Variants in SYT1 observed in about 807,000 individuals in gnomAD.
SYT1 encodes the protein synaptotagmin-1.
Under a neutral mutation model 44.8 loss-of-function variants are expected in SYT1, and 8 were observed. The ratio of observed to expected loss-of-function variants is 0.18; its 90% CI spans 0.10 to 0.32. SYT1 has a LOEUF of 0.32. Among genes scored for constraint, SYT1 ranks in the 10% least tolerant of loss-of-function variants. The probability of loss-of-function intolerance (pLI) is 1.00; values close to 1 mark genes in which losing one functional copy is unlikely to be tolerated. For synonymous variants in SYT1, 154 were observed against 188.8 expected (o/e 0.82, Z 1.51); for missense variants, 286 against 509.3 (o/e 0.56, Z 4.22).
intron 1 of SYT1, among the ~76,000 whole-genome samples, chr12:78,909,093 GC>G (rs1876158945): frequency 1.3e-5 from 2 of 151,792 alleles, no homozygotes; most frequent in South Asian, 4.1e-4. Context: ...ATCTTAATTG[GC>G]ATTGCACTGA....
chr12:79,441,669 T>C lies in SYT1; in HGVS notation c.929-2404T>C, dbSNP rs144026440. On this transcript the variant is annotated intron_variant, in intron 9 of 10. Coordinates refer to ENST00000261205, the MANE Select transcript of SYT1 (RefSeq NM_005639.3). ...CATGAAATAGTAGAATACATCTGAG[T>C]CATCAGAACTGACAGCCTCTGCTTA... is the stretch of plus-strand genomic sequence containing the variant. Among the ~76,000 whole-genome samples, 500 of 152,240 alleles carry C rather than the reference T, an allele frequency of 3.3e-3. 1 individual carries two copies. The highest frequency in any genetic ancestry group is 6.8e-3 in the Middle Eastern group (2 of 294).
rs1219577357 is a variant in SYT1 at position 79,251,670 on chromosome 12, T to C, written c.166+33985T>C. ...CAAGTGAAGAGCTCTGGGCTATAGATACTTGCTTCCTTCCATGGACAGTAA... is the reference window on the plus strand; with the variant it reads ...CAAGTGAAGAGCTCTGGGCTATAGACACTTGCTTCCTTCCATGGACAGTAA... On this transcript the variant is annotated intron_variant, in intron 4 of 10. Coordinates refer to ENST00000261205, the MANE Select transcript of SYT1 (RefSeq NM_005639.3). 3.3e-5 allele frequency among the ~76,000 whole-genome samples: 5 copies of C among 152,334 alleles called. No homozygotes were observed. In the South Asian group the frequency reaches 6.2e-4, roughly 19 times the overall value.
At chr12:79,210,268 G>A (rs777168966) in intron 3 of SYT1, among the ~76,000 whole-genome samples, 37 of 149,024 alleles carry the variant, frequency 2.5e-4, no homozygotes, top group East Asian at 1.4e-3. Context: ...TTCATTTTTC[G>A]TAACTTATTG....
At chr12:79,155,260 T>C (rs1334089208) in intron 3 of SYT1, among the ~76,000 whole-genome samples, 1 of 152,210 alleles carries the variant, frequency 6.6e-6, no homozygotes, top group African/African-American at 2.4e-5. Flanking sequence ...AATCATTTTA[T>C]TGAAGAGCTA....
intron 2 of SYT1, among the ~76,000 whole-genome samples, chr12:79,022,026 CATTTCTAA>C (rs1286656249): frequency 6.6e-6 from 1 of 151,346 alleles, no homozygotes; most frequent in African/African-American, 2.4e-5. Context: ...TAAACTACAA[CATTTCTAA>C]GTTCACAAAT....
chr12:78,997,949 C>T (rs2137516288), intron 2 of SYT1, among the ~76,000 whole-genome samples: 1 of 152,262 alleles, frequency 6.6e-6, no homozygotes, highest in Non-Finnish European at 1.5e-5. Context: ...AGCTCTGACC[C>T]TCAGTCCACA....
At chr12:79,186,405 G>A (rs935925297) in intron 3 of SYT1, among the ~76,000 whole-genome samples, 6 of 151,876 alleles carry the variant, frequency 4.0e-5, no homozygotes, top group African/African-American at 1.5e-4. Flanking sequence ...ATCAATATTA[G>A]AATGGGAATA....
chr12:78,920,472 G>A (rs1003895243), intron 1 of SYT1, among the ~76,000 whole-genome samples: 1 of 151,912 alleles, frequency 6.6e-6, no homozygotes, highest in Non-Finnish European at 1.5e-5. Context: ...ATTGAAGTTG[G>A]TCTAGTAAAA....
chr12:78,899,354 A>C (rs1875534244), intron 1 of SYT1, among the ~76,000 whole-genome samples: 1 of 152,044 alleles, frequency 6.6e-6, no homozygotes, highest in Non-Finnish European at 1.5e-5. Flanking sequence ...AATGTCAATT[A>C]GAGGAATTAT....
intron 8 of SYT1, among the ~76,000 whole-genome samples, chr12:79,333,673 T>G (rs1331947345): frequency 6.6e-6 from 1 of 151,652 alleles, no homozygotes; most frequent in African/African-American, 2.4e-5. Context: ...GAAAGGGTTA[T>G]TCTACTGGCA....
Position 78,963,273 on chromosome 12 carries a change from G to A in SYT1, c.-216-14526G>A, listed in dbSNP as rs140831836. On this transcript the variant is annotated intron_variant, in intron 1 of 10. Coordinates refer to ENST00000261205, the MANE Select transcript of SYT1 (RefSeq NM_005639.3). ...TGACATTGGTTTTTGCAATGATTTCGTGAGTCTGAAAATAAAATTACGGGC... is the reference window on the plus strand; with the variant it reads ...TGACATTGGTTTTTGCAATGATTTCATGAGTCTGAAAATAAAATTACGGGC... Among the ~76,000 whole-genome samples the A allele has an allele frequency of 6.6e-5, 10 of 152,096 alleles. No homozygotes were observed. The East Asian group carries it at 7.7e-4, about 12-fold the overall frequency.
intron 1 of SYT1, among the ~76,000 whole-genome samples, chr12:78,868,332 C>G (rs7959160): frequency 0.66 from 100,323 of 151,586 alleles, 33,328 homozygotes; most frequent in Admixed American, 0.7. Flanking sequence ...TGTAGGTATG[C>G]GTCTTGCATG....
chr12:79,297,106 A>C (rs1879912725), intron 7 of SYT1, among the ~76,000 whole-genome samples: 1 of 152,182 alleles, frequency 6.6e-6, no homozygotes, highest in African/African-American at 2.4e-5. Flanking sequence ...TAAATTGAAA[A>C]TGAGGGCATG....
chr12:79,346,064 A>G (rs2135987557), intron 8 of SYT1, among the ~76,000 whole-genome samples: 1 of 152,356 alleles, frequency 6.6e-6, no homozygotes, highest in Admixed American at 6.5e-5. Context: ...AACTCACTCA[A>G]GAGTACAGTG....
chr12:79,418,182 G>A (rs528123321), intron 9 of SYT1, among the ~76,000 whole-genome samples: 3 of 152,282 alleles, frequency 2.0e-5, no homozygotes, highest in Non-Finnish European at 2.9e-5. Flanking sequence ...AACAGTGACT[G>A]CTGCTCCTTG....
At chr12:79,436,770 G>A (rs1347781992) in intron 9 of SYT1, among the ~76,000 whole-genome samples, 2 of 152,188 alleles carry the variant, frequency 1.3e-5, no homozygotes, top group Non-Finnish European at 2.9e-5. Context: ...TTTTAGAAGT[G>A]AATGGCCTTT....
At chr12:79,420,884 A>AC (rs1227296338) in intron 9 of SYT1, among the ~76,000 whole-genome samples, 1 of 152,120 alleles carries the variant, frequency 6.6e-6, no homozygotes, top group African/African-American at 2.4e-5. Context: ...TGGTTCCCTA[A>AC]GGAAAAAAAA....
At chr12:79,338,148 C>G (rs568489588) in intron 8 of SYT1, among the ~76,000 whole-genome samples, 1 of 152,166 alleles carries the variant, frequency 6.6e-6, no homozygotes, top group African/African-American at 2.4e-5. Context: ...AGCCCTCTAC[C>G]GAGAGCAGCA....
At chr12:79,065,308 C>T (rs570131982) in intron 3 of SYT1, among the ~76,000 whole-genome samples, 17 of 152,176 alleles carry the variant, frequency 1.1e-4, no homozygotes, top group South Asian at 8.3e-4. Flanking sequence ...CGCTTGAGTC[C>T]GGGAGGTGAA....
Sources: gnomAD v4.1 joint callset for allele counts (sites outside exome capture counted in the v4.1 genomes callset) on GRCh38, gnomAD v4.1.1 for gene constraint, MANE v1.5 for transcripts, NCBI Gene and HGNC (gene_info 2026-07-23, HGNC 2026-07-21) for gene names.